LINGO1: variants seen among roughly 807,000 people sequenced by gnomAD.
The protein encoded by LINGO1 is leucine-rich repeat and immunoglobulin-like domain-containing nogo receptor-interacting protein 1.
In LINGO1, 11 loss-of-function variants were observed where a neutral mutation model predicts 37.3. That is an observed-to-expected ratio of 0.29 (90% CI 0.19 to 0.49). LINGO1 has a LOEUF of 0.49. Ranked by LOEUF, LINGO1 falls within the 20% of genes least tolerant of loss-of-function variation. The pLI, the probability that LINGO1 is intolerant of heterozygous loss-of-function variation, is 0.99. For synonymous variants in LINGO1, 387 were observed against 403.0 expected (o/e 0.96, Z 0.48); for missense variants, 585 against 878.2 (o/e 0.67, Z 4.22).
intron 1 of LINGO1, among the ~76,000 whole-genome samples, chr15:77,771,562 G>A (rs560794925): frequency 1.3e-5 from 2 of 152,296 alleles, no homozygotes; most frequent in Non-Finnish European, 2.9e-5. Flanking sequence ...GCAAGTTCTC[G>A]GATCATGGGA....
At chr15:77,724,051 T>C (rs1328430905) in intron 2 of LINGO1, among the ~76,000 whole-genome samples, 2 of 152,156 alleles carry the variant, frequency 1.3e-5, no homozygotes, top group African/African-American at 4.8e-5. Context: ...AGCTGGGCTA[T>C]ATATAGTGGG....
At chr15:77,733,588 C>T (rs1426678531) in intron 2 of LINGO1, among the ~76,000 whole-genome samples, 10 of 152,128 alleles carry the variant, frequency 6.6e-5, no homozygotes, top group Admixed American at 4.6e-4. Context: ...AGACCAAGAC[C>T]AAATCCTACC....
At chr15:77,664,040 G>C (rs1567502672) in intron 3 of LINGO1, among the ~76,000 whole-genome samples, 1 of 152,140 alleles carries the variant, frequency 6.6e-6, no homozygotes. Context: ...CCAAGCATCT[G>C]CTGGGGAAGG....
chr15:77,756,595 G>C (rs1432851464), intron 1 of LINGO1, among the ~76,000 whole-genome samples: 1 of 152,160 alleles, frequency 6.6e-6, no homozygotes, highest in African/African-American at 2.4e-5. Flanking sequence ...TGGGAGCCCA[G>C]GCTCAGCAGC....
chr15:77,652,768 G>C (rs1203159653), intron 3 of LINGO1, among the ~76,000 whole-genome samples: 1 of 152,208 alleles, frequency 6.6e-6, no homozygotes, highest in East Asian at 1.9e-4. Flanking sequence ...GCACAGTGCG[G>C]GAGGAGGGAA....
intron 1 of LINGO1, among the ~76,000 whole-genome samples, chr15:77,756,169 T>C (rs929617628): frequency 8.5e-5 from 13 of 152,226 alleles, no homozygotes; most frequent in African/African-American, 3.1e-4. Flanking sequence ...CCCTGCCCCA[T>C]CCAGCCCACT....
At chr15:77,625,757 C>T (rs1476583085) in intron 1 of LINGO1, among the ~76,000 whole-genome samples, 1 of 152,210 alleles carries the variant, frequency 6.6e-6, no homozygotes, top group African/African-American at 2.4e-5. Flanking sequence ...CTCCTGCATA[C>T]TGCCTCCCTC....
intron 2 of LINGO1, among the ~76,000 whole-genome samples, chr15:77,721,553 T>C (rs929429898): frequency 3.3e-5 from 5 of 152,194 alleles, no homozygotes; most frequent in Admixed American, 3.3e-4. Context: ...TCACCTCCAT[T>C]CAACTACAGA....
At chr15:77,694,621 C>T (rs1036913795) in intron 1 of LINGO1, among the ~76,000 whole-genome samples, 10 of 152,354 alleles carry the variant, frequency 6.6e-5, no homozygotes, top group Non-Finnish European at 1.2e-4. Flanking sequence ...AGAAGATTTC[C>T]TCCCTGGTTA....
Position 77,613,769 on chromosome 15 carries a change from T to C in LINGO1, c.*275A>G, listed in dbSNP as rs1009653946. 11 of 442,778 alleles carry C rather than the reference T, an allele frequency of 2.5e-5. No individual in the cohort carries two copies. Among genetic ancestry groups the C allele is most frequent in the Non-Finnish European group, 4.0e-5 (10 of 250,086 alleles). The allele number at this position is 442,778 out of a possible 1,614,324, so 27.4% of individuals were successfully genotyped here. A position where few individuals can be genotyped will look rare whatever the true frequency, so the allele number is the denominator to read the frequency against. ...GTTCGTAACTTTTTTATTGAATTAT[T>C]GACTCTGCCGCGTGTCGGTTCGTCG... On this transcript the variant is annotated 3_prime_UTR_variant, in exon 2 of 2. Coordinates refer to ENST00000355300, the MANE Select transcript of LINGO1 (RefSeq NM_032808.7).
At chr15:77,770,798 A>T (rs1466583720) in intron 1 of LINGO1, among the ~76,000 whole-genome samples, 2 of 152,138 alleles carry the variant, frequency 1.3e-5, no homozygotes, top group Non-Finnish European at 2.9e-5. Context: ...GGGACACAGG[A>T]GAAGGGAACT....
At chr15:77,666,463 G>A (rs757245429) in intron 3 of LINGO1, among the ~76,000 whole-genome samples, 4 of 152,202 alleles carry the variant, frequency 2.6e-5, no homozygotes, top group African/African-American at 4.8e-5. Context: ...ACCGTGAGCC[G>A]GCACTGGGTG....
intron 1 of LINGO1, among the ~76,000 whole-genome samples, chr15:77,763,514 AC>A (rs1764186083): frequency 1.3e-5 from 2 of 151,640 alleles, no homozygotes; most frequent in Admixed American, 1.3e-4. Flanking sequence ...GGCTTTGCCC[AC>A]CCCCCACTGA....
At position 77,614,121 on chromosome 15, in the gene LINGO1, C is replaced by T. The variant is rs1367200227; in HGVS notation, c.1786G>A (p.Glu596Lys). ...GCGTCCGACTTTCGGGGCACATACT[C>T]GATCTCGATGTTGTGCTTTGTGTTG... ...KGNTKHNIEI[E>K]YVPRKSDAGI... is the part of the protein sequence containing the mutation. The change falls in exon 2 of 2, where the codon GAG becomes AAG. Residue 596 changes from glutamate to lysine, a missense_variant. By Grantham distance (56) the Glu-to-Lys change is moderately conservative. Transcript: ENST00000355300. 1 of 1,613,844 alleles carries T rather than the reference C, an allele frequency of 6.2e-7. No individual in the cohort carries two copies. Among genetic ancestry groups the T allele is most frequent in the East Asian group, 2.2e-5 (1 of 44,880 alleles).
At chr15:77,708,795 C>G (rs1426840153) in intron 2 of LINGO1, among the ~76,000 whole-genome samples, 1 of 152,184 alleles carries the variant, frequency 6.6e-6, no homozygotes, top group Non-Finnish European at 1.5e-5. Flanking sequence ...ATCCCAGCTA[C>G]TCGGGAGATT....
intron 1 of LINGO1, among the ~76,000 whole-genome samples, chr15:77,775,003 G>A (rs146244866): frequency 3.9e-5 from 6 of 152,318 alleles, no homozygotes; most frequent in Middle Eastern, 6.8e-3. Context: ...TAGAACCCAC[G>A]TCTCACGTCG....
Position 77,728,204 on chromosome 15 carries a change from G to C in LINGO1, c.-195+6788C>G, listed in dbSNP as rs1207385435. On this transcript the variant is annotated intron_variant, in intron 2 of 3. Coordinates refer to the LINGO1 transcript ENST00000561686. ...GTCTGGCGGTGATCGATCCTGCCCA[G>C]GTGCAGGCATTTTAGGCAGCTGCCT... 2.0e-5 allele frequency among the ~76,000 whole-genome samples: 3 copies of C among 152,328 alleles called. No homozygotes were observed. In the East Asian group the frequency reaches 5.8e-4, roughly 29 times the overall value.
chr15:77,782,392 A>G (rs1256714430), intron 1 of LINGO1, among the ~76,000 whole-genome samples: 1 of 152,182 alleles, frequency 6.6e-6, no homozygotes, highest in East Asian at 1.9e-4. Context: ...CGTGCAGTCT[A>G]AAGACTGCGG....
intron 1 of LINGO1, among the ~76,000 whole-genome samples, chr15:77,780,514 G>A (rs1292622641): frequency 1.3e-5 from 2 of 151,922 alleles, no homozygotes; most frequent in Non-Finnish European, 2.9e-5. Flanking sequence ...AGGAGACCTT[G>A]CGGAACATTA....
Sources: allele counts gnomAD v4.1 joint callset (sites outside exome capture counted in the v4.1 genomes callset), GRCh38; gene constraint gnomAD v4.1.1; transcripts MANE v1.5; gene names NCBI Gene and HGNC (gene_info 2026-07-23, HGNC 2026-07-21).